Variants in PABPC1 observed in about 807,000 individuals in gnomAD.
The protein encoded by PABPC1 is poly(A) binding protein cytoplasmic 1.
PABPC1 carries 4 observed loss-of-function variants against 74.0 expected under a neutral mutation model. That is an observed-to-expected ratio of 0.05 (90% CI 0.03 to 0.12). PABPC1 has a LOEUF of 0.12. PABPC1 is among the 10% of genes least tolerant of loss of function. The probability of loss-of-function intolerance (pLI) is 1.00; values close to 1 mark genes in which losing one functional copy is unlikely to be tolerated. For synonymous variants in PABPC1, 227 were observed against 264.1 expected (o/e 0.86, Z 1.36); for missense variants, 271 against 821.1 (o/e 0.33, Z 8.19).
chr8:100,716,840 T>A (rs552241879), intron 3 of PABPC1, among the ~76,000 whole-genome samples: 3 of 152,354 alleles, frequency 2.0e-5, no homozygotes, highest in African/African-American at 7.2e-5. Flanking sequence ...GCAGTAAAGC[T>A]GAAACTTTAT....
chr8:100,720,225 TAA>T lies in PABPC1; in HGVS notation c.193+1164_193+1165del, dbSNP rs543273773. ...GCTGACTTCTCAAAGCCAATTGATCTAAAGACAAATCCTAGCAACTCAACAGA... is the reference window on the plus strand; with the variant it reads ...GCTGACTTCTCAAAGCCAATTGATCTAGACAAATCCTAGCAACTCAACAGA... On this transcript the variant is annotated intron_variant, in intron 1 of 14. Transcript: ENST00000318607. 6.3e-3 allele frequency among the ~76,000 whole-genome samples: 953 copies of T among 152,316 alleles called. 11 individuals carry two copies. The highest frequency in any genetic ancestry group is 0.011 in the Non-Finnish European group (723 of 68,034).
In PABPC1 at chr8:100,718,192, G is replaced by C. The variant is rs146343662; in HGVS notation, c.282C>G (p.Arg94=). 1.0e-3 allele frequency: 1,672 copies of C among 1,614,132 alleles called. 2 individuals carry two copies. Among genetic ancestry groups the C allele is most frequent in the Non-Finnish European group, 1.3e-3 (1,557 of 1,180,018 alleles). ...TGAATATGTTGCCTACTCCACTTTTGCGAAGTGATGGATCACGCTGAGACC... is the reference window on the plus strand; with the variant it reads ...TGAATATGTTGCCTACTCCACTTTTCCGAAGTGATGGATCACGCTGAGACC... The part of the protein sequence containing the change: ...IMWSQRDPSL[R]KSGVGNIFIK... The change falls in exon 2 of 15, where the codon CGC becomes CGG. Residue 94 remains arginine, a synonymous_variant. Coordinates refer to ENST00000318607, the MANE Select transcript of PABPC1 (RefSeq NM_002568.4).
At position 100,721,425 on chromosome 8, in the gene PABPC1, G is replaced by A. The variant is rs1202389819; in HGVS notation, c.159C>T (p.Gly53=). 3 of 1,596,778 alleles carry A rather than the reference G, an allele frequency of 1.9e-6. No individual in the cohort carries two copies. Among genetic ancestry groups the A allele is most frequent in the Admixed American group, 1.7e-5 (1 of 58,604 alleles). Residue 53 remains glycine (G), a synonymous_variant, in exon 1 of 15, where the codon GGC becomes GGT. Coordinates refer to ENST00000318607, the MANE Select transcript of PABPC1 (RefSeq NM_002568.4). This position sits in a 1 kb window ranked among gnomAD's most constrained non-coding sequence, Gnocchi z 7.4. The stretch of plus-strand genomic sequence containing the variant: ...GCTGCTGGAAGTTCACATACGCGTA[G>A]CCCAAGGAGCGGCGGGTGATCATGT... ...CRDMITRRSL[G]YAYVNFQQPA... is the part of the protein sequence containing the mutation.
chr8:100,709,278 C>G, intron 8 of PABPC1, 55 bp from the exon 9 acceptor site: 1 of 1,523,076 alleles, frequency 6.6e-7, no homozygotes, highest in Non-Finnish European at 9.1e-7. Context: ...GCAAATAATG[C>G]AATAAATTAT....
chr8:100,704,478 GA>G (rs1810329768), intron 13 of PABPC1, 88 bp from the exon 14 acceptor site: 1 of 1,097,494 alleles, frequency 9.1e-7, no homozygotes, highest in African/African-American at 1.6e-5. Flanking sequence ...TCCCAACAAA[GA>G]TAAGTTTCTT....
Position 100,713,185 on chromosome 8 carries a change from A to C in PABPC1, c.644-4T>G. 6.4e-7 allele frequency: 1 copy of C among 1,571,626 alleles called. No individual in the cohort carries two copies. ...ACTTTCACACTTAAGGCAGGCCCTA[A>C]AAAATTTTTTTACATAAATCAAAGA... On this transcript the variant is annotated splice_polypyrimidine_tract_variant and splice_region_variant and intron_variant, in intron 4 of 14. Coordinates refer to ENST00000318607, the MANE Select transcript of PABPC1 (RefSeq NM_002568.4).
At chr8:100,705,169 T>TA in intron 12 of PABPC1, 113 bp from the exon 13 acceptor site, 1 of 794,048 alleles carries the variant, frequency 1.3e-6, no homozygotes, top group Non-Finnish European at 2.0e-6. Context: ...ACGTATATAA[T>TA]AACCCATAAT....
intron 9 of PABPC1, 199 bp from the exon 10 acceptor site, chr8:100,707,196 A>C (rs1810402324): frequency 2.1e-6 from 1 of 471,682 alleles, no homozygotes; most frequent in Admixed American, 3.4e-5. Context: ...AAGGACGAGT[A>C]CTTATATGTA....
Position 100,704,935 on chromosome 8 carries a change from G to A in PABPC1, c.1809C>T (p.Leu603=), listed in dbSNP as rs1373576823. The stretch of plus-strand genomic sequence containing the variant: ...AATAAATTTAAATCACCTTAGAACG[G>A]AGTGACTCTGGAGACTCGAGCATAT... ...LLHMLESPES[L]RSKVDEAVAV... The change falls in exon 13 of 15, where the codon CTC becomes CTT. Residue 603 remains leucine (L), a synonymous_variant. Coordinates refer to ENST00000318607, the MANE Select transcript of PABPC1 (RefSeq NM_002568.4). The A allele has an allele frequency of 8.7e-6, 14 of 1,612,184 alleles. No homozygotes were observed. Among genetic ancestry groups the A allele is most frequent in the Non-Finnish European group, 1.1e-5 (13 of 1,179,808 alleles).
chr8:100,709,784 A>C (rs1222659154), intron 7 of PABPC1, 53 bp from the exon 8 acceptor site: 19 of 1,501,916 alleles, frequency 1.3e-5, no homozygotes, highest in East Asian at 4.6e-5. Context: ...GAGGAGCAAA[A>C]AAAGAGCGTT....
At chr8:100,708,820 G>A (rs1275933888) in intron 9 of PABPC1, among the ~76,000 whole-genome samples, 2 of 152,100 alleles carry the variant, frequency 1.3e-5, no homozygotes, top group Admixed American at 1.3e-4. Context: ...GGAGGTTGCA[G>A]TGAGCCGAAA....
At position 100,715,385 on chromosome 8, in the gene PABPC1, T is replaced by C. The variant is rs1810643145; in HGVS notation, c.643+77A>G. The C allele has an allele frequency of 3.9e-6, 5 of 1,280,526 alleles. No homozygotes were observed. In the East Asian group the frequency reaches 7.0e-5, roughly 18 times the overall value. The allele number at this position is 1,280,526 out of a possible 1,614,324, so 79.3% of individuals were successfully genotyped here. On this transcript the variant is annotated intron_variant, in intron 4 of 14. Coordinates refer to ENST00000318607, the MANE Select transcript of PABPC1 (RefSeq NM_002568.4). ...AGTCTAATTTTATTGACTTTTTTAG[T>C]ATAAAGTAATAGCTAAAATTAACAC...
intron 1 of PABPC1, among the ~76,000 whole-genome samples, chr8:100,718,714 T>C (rs967978777): frequency 2.0e-5 from 3 of 152,204 alleles, no homozygotes; most frequent in African/African-American, 7.2e-5. Context: ...TATTTTAACT[T>C]CTTCCCAACT....
intron 3 of PABPC1, among the ~76,000 whole-genome samples, chr8:100,716,901 A>T (rs2129742244): frequency 6.6e-6 from 1 of 152,358 alleles, no homozygotes; most frequent in East Asian, 1.9e-4. Context: ...TTTCCAAAAG[A>T]GTTATATCAC....
intron 1 of PABPC1, 50 bp from the exon 2 acceptor site, chr8:100,718,330 G>T: frequency 1.3e-6 from 2 of 1,488,726 alleles, no homozygotes. Context: ...ATTTTTGCTG[G>T]CTACTTAAGA....
intron 9 of PABPC1, among the ~76,000 whole-genome samples, chr8:100,707,807 G>T (rs899031433): frequency 6.6e-6 from 1 of 152,214 alleles, no homozygotes; most frequent in African/African-American, 2.4e-5. Flanking sequence ...CTAAATAGTG[G>T]GTGTTTTCCT....
chr8:100,707,955 G>T (rs1487326692), intron 9 of PABPC1, among the ~76,000 whole-genome samples: 1 of 152,152 alleles, frequency 6.6e-6, no homozygotes, highest in African/African-American at 2.4e-5. Flanking sequence ...TTGTCTTCTG[G>T]TCACTTCTCA....
At chr8:100,716,483 G>C (rs1236669633) in intron 3 of PABPC1, among the ~76,000 whole-genome samples, 1 of 152,008 alleles carries the variant, frequency 6.6e-6, no homozygotes, top group Non-Finnish European at 1.5e-5. Flanking sequence ...CAAAGCAGAA[G>C]GAAAAACCAT....
chr8:100,706,626 T>G (rs565789159), intron 11 of PABPC1, 25 bp downstream of exon 11: 1 of 1,598,306 alleles, frequency 6.3e-7, no homozygotes, highest in Admixed American at 1.7e-5. Context: ...ATGTGATTTT[T>G]ATTAAGAAAT....
Sources: allele counts gnomAD v4.1 joint callset (sites outside exome capture counted in the v4.1 genomes callset), GRCh38; gene constraint gnomAD v4.1.1; non-coding constraint Gnocchi (gnomAD v3.1); transcripts MANE v1.5; gene names NCBI Gene and HGNC (gene_info 2026-07-23, HGNC 2026-07-21).